KLHL1: variants seen among roughly 807,000 people sequenced by gnomAD.
The protein encoded by KLHL1 is kelch like family member 1.
In KLHL1, 47 loss-of-function variants were observed where a neutral mutation model predicts 77.7. The ratio of observed to expected loss-of-function variants is 0.60; its 90% CI spans 0.48 to 0.77. The LOEUF is 0.77. KLHL1 is among the 30% of genes least tolerant of loss of function. The probability of loss-of-function intolerance (pLI) is 0.00; values close to 1 mark genes in which losing one functional copy is unlikely to be tolerated. For synonymous variants in KLHL1, 360 were observed against 325.2 expected (o/e 1.11, Z -1.15); for missense variants, 925 against 910.8 (o/e 1.02, Z -0.20).
intron 6 of KLHL1, among the ~76,000 whole-genome samples, chr13:69,821,667 T>C (rs1432026959): frequency 6.6e-6 from 1 of 152,148 alleles, no homozygotes; most frequent in Non-Finnish European, 1.5e-5. Context: ...ATTAATTACA[T>C]TTTCAGATAG....
intron 6 of KLHL1, among the ~76,000 whole-genome samples, chr13:69,813,481 TACACACAC>T (rs141973704): frequency 6.8e-6 from 1 of 146,272 alleles, no homozygotes; most frequent in Non-Finnish European, 1.5e-5. Context: ...TACACACACA[TACACACAC>T]ACACACACAC....
At chr13:69,859,022 C>T (rs1880032472) in intron 5 of KLHL1, among the ~76,000 whole-genome samples, 1 of 152,042 alleles carries the variant, frequency 6.6e-6, no homozygotes, top group African/African-American at 2.4e-5. Flanking sequence ...TACATTGTTA[C>T]ATAACCCTAA....
At chr13:69,746,432 T>C (rs1029393778) in intron 7 of KLHL1, among the ~76,000 whole-genome samples, 4 of 152,024 alleles carry the variant, frequency 2.6e-5, no homozygotes, top group African/African-American at 9.6e-5. Context: ...TTTAATTAGC[T>C]ACACTAAGAA....
chr13:69,860,358 T>C (rs536466750), intron 5 of KLHL1, among the ~76,000 whole-genome samples: 6 of 152,044 alleles, frequency 3.9e-5, no homozygotes, highest in Non-Finnish European at 5.9e-5. Context: ...CAATTTCTAA[T>C]GGTAAGATTC....
At chr13:69,960,925 C>T (rs1361639829) in intron 3 of KLHL1, among the ~76,000 whole-genome samples, 1 of 151,988 alleles carries the variant, frequency 6.6e-6, no homozygotes, top group Admixed American at 6.6e-5. Flanking sequence ...TAAAGTAACA[C>T]ATTCCAGGGA....
chr13:70,039,610 A>G (rs1477660501), intron 1 of KLHL1, among the ~76,000 whole-genome samples: 1 of 145,830 alleles, frequency 6.9e-6, no homozygotes, highest in East Asian at 2.0e-4. Flanking sequence ...TGTTTTGTTA[A>G]TACTGCCTGC....
chr13:70,076,999 A>G (rs757846650), intron 1 of KLHL1, among the ~76,000 whole-genome samples: 7 of 151,968 alleles, frequency 4.6e-5, no homozygotes, highest in Non-Finnish European at 1.0e-4. Context: ...GTGTGGAGAA[A>G]CTGGAACTGT....
At chr13:69,821,899 G>C (rs1032295079) in intron 6 of KLHL1, among the ~76,000 whole-genome samples, 1 of 151,886 alleles carries the variant, frequency 6.6e-6, no homozygotes, top group African/African-American at 2.4e-5. Context: ...TTGTTCACTA[G>C]CACTAAAAAC....
intron 4 of KLHL1, among the ~76,000 whole-genome samples, chr13:69,893,384 G>A (rs1192084827): frequency 1.3e-5 from 2 of 151,666 alleles, no homozygotes; most frequent in African/African-American, 2.4e-5. Context: ...ACAGGCGCCC[G>A]CCACCGCGCC....
At chr13:69,948,760 C>T (rs182396273) in intron 3 of KLHL1, among the ~76,000 whole-genome samples, 34 of 152,070 alleles carry the variant, frequency 2.2e-4, no homozygotes, top group African/African-American at 7.9e-4. Flanking sequence ...CCCCTATTAA[C>T]AAATGCACAG....
intron 4 of KLHL1, among the ~76,000 whole-genome samples, chr13:69,916,605 G>A (rs1187007661): frequency 6.6e-6 from 1 of 152,034 alleles, no homozygotes; most frequent in Non-Finnish European, 1.5e-5. Context: ...TGGGGGGAAG[G>A]GGGAGGGATA....
intron 1 of KLHL1, among the ~76,000 whole-genome samples, chr13:69,992,858 C>T (rs1885059655): frequency 6.6e-6 from 1 of 151,406 alleles, no homozygotes; most frequent in Admixed American, 6.6e-5. Flanking sequence ...TGAAGAAAGG[C>T]ATATAGTCAA....
At chr13:69,764,135 G>A (rs562042704) in intron 7 of KLHL1, among the ~76,000 whole-genome samples, 5 of 152,218 alleles carry the variant, frequency 3.3e-5, no homozygotes, top group African/African-American at 7.2e-5. Flanking sequence ...AGCTGCTTCC[G>A]TGCATATTTT....
chr13:70,057,185 G>A (rs933658696), intron 1 of KLHL1, among the ~76,000 whole-genome samples: 7 of 151,948 alleles, frequency 4.6e-5, no homozygotes, highest in Admixed American at 2.0e-4. Context: ...AAACATAGAA[G>A]TAATGAATAA....
chr13:69,875,592 G>A (rs1880734090), intron 5 of KLHL1, among the ~76,000 whole-genome samples: 1 of 152,012 alleles, frequency 6.6e-6, no homozygotes, highest in African/African-American at 2.4e-5. Context: ...ATATGTATGA[G>A]GAGTTTGTGC....
intron 7 of KLHL1, among the ~76,000 whole-genome samples, chr13:69,778,948 G>A (rs1185796244): frequency 2.0e-5 from 3 of 151,634 alleles, no homozygotes; most frequent in Admixed American, 6.6e-5. Context: ...ACAGGCACAC[G>A]CCACCATACC....
At chr13:69,712,760 G>GTTT (rs67612326) in intron 9 of KLHL1, among the ~76,000 whole-genome samples, 3 of 127,264 alleles carry the variant, frequency 2.4e-5, no homozygotes, top group African/African-American at 9.2e-5. Flanking sequence ...TTTGTTTTTT[G>GTTT]TTTTTTTTTT....
chr13:70,106,160 C>T (rs1377516077), intron 1 of KLHL1, among the ~76,000 whole-genome samples: 1 of 151,436 alleles, frequency 6.6e-6, no homozygotes, highest in East Asian at 1.9e-4. Flanking sequence ...TTATAAGAAA[C>T]TGATTCAATC....
chr13:69,909,562 A>C (rs1472197452), intron 4 of KLHL1, among the ~76,000 whole-genome samples: 3 of 152,004 alleles, frequency 2.0e-5, no homozygotes, highest in Non-Finnish European at 4.4e-5. Flanking sequence ...TCAAAAGTCC[A>C]GATATTTTCT....
Sources: gnomAD v4.1 joint callset for allele counts (sites outside exome capture counted in the v4.1 genomes callset) on GRCh38, gnomAD v4.1.1 for gene constraint, MANE v1.5 for transcripts, NCBI Gene and HGNC (gene_info 2026-07-23, HGNC 2026-07-21) for gene names.